The following HYCC1 variants were observed in gnomAD, a reference collection of about 807,000 sequenced individuals.
HYCC1 encodes the protein hyccin.
the HYCC1 span, among the ~76,000 whole-genome samples, chr7:22,898,936 C>A: frequency 6.6e-6 from 1 of 152,162 alleles, no homozygotes; most frequent in Non-Finnish European, 1.5e-5. Context: ...CAAGCACTCC[C>A]TTGTGTGTCC....
chr7:22,900,714 G>A, the HYCC1 span, among the ~76,000 whole-genome samples: 1 of 152,126 alleles, frequency 6.6e-6, no homozygotes. Flanking sequence ...AACAAAAAAT[G>A]AAGGGTACAG....
At chr7:22,928,315 A>G in the HYCC1 span, among the ~76,000 whole-genome samples, 3 of 152,322 alleles carry the variant, frequency 2.0e-5, no homozygotes, top group East Asian at 5.8e-4. Context: ...TATTCAACAT[A>G]GTGTTGGAAG....
the HYCC1 span, among the ~76,000 whole-genome samples, chr7:22,989,340 TTTTTG>T: frequency 2.0e-5 from 3 of 151,528 alleles, no homozygotes; most frequent in South Asian, 4.2e-4. Flanking sequence ...TAATCAAAGT[TTTTTG>T]TTTTGTTTTG....
the HYCC1 span, among the ~76,000 whole-genome samples, chr7:22,925,511 C>T: frequency 1.5e-4 from 23 of 152,206 alleles, no homozygotes; most frequent in South Asian, 2.5e-3. Flanking sequence ...CTGAAAACCA[C>T]GGCACGAGAA....
At chr7:22,938,999 A>C in the HYCC1 span, 1 of 152,198 alleles carries the variant, frequency 6.6e-6, no homozygotes, top group African/African-American at 2.4e-5. Context: ...ACACACACTC[A>C]TATTTAACTA....
chr7:22,996,408 T>C, the HYCC1 span, among the ~76,000 whole-genome samples: 1 of 151,946 alleles, frequency 6.6e-6, no homozygotes, highest in East Asian at 1.9e-4. Context: ...GATAATTTTT[T>C]TATTTCAACT....
At chr7:23,013,063 C>A in the HYCC1 span, among the ~76,000 whole-genome samples, 1 of 152,170 alleles carries the variant, frequency 6.6e-6, no homozygotes, top group South Asian at 2.1e-4. Context: ...TACTAAACCA[C>A]TTAGGCAAAA....
chr7:22,933,440 CT>C, the HYCC1 span, among the ~76,000 whole-genome samples: 1 of 151,844 alleles, frequency 6.6e-6, no homozygotes, highest in Admixed American at 6.6e-5. Flanking sequence ...TAACAATTTT[CT>C]TTGTTTTGAT....
the HYCC1 span, among the ~76,000 whole-genome samples, chr7:23,005,984 C>T: frequency 6.6e-6 from 1 of 152,174 alleles, no homozygotes; most frequent in Non-Finnish European, 1.5e-5. Context: ...AATGTGTACA[C>T]TGCTGCGGGG....
chr7:22,975,313 C>A, the HYCC1 span, among the ~76,000 whole-genome samples: 1 of 152,090 alleles, frequency 6.6e-6, no homozygotes, highest in Non-Finnish European at 1.5e-5. Context: ...CACAATTCCA[C>A]CAACTAGAGA....
At chr7:22,923,622 A>G in the HYCC1 span, among the ~76,000 whole-genome samples, 1 of 152,172 alleles carries the variant, frequency 6.6e-6, no homozygotes, top group Non-Finnish European at 1.5e-5. Flanking sequence ...TATCTTTCAA[A>G]AAAATCAGTA....
the HYCC1 span, chr7:22,945,527 C>T: frequency 7.8e-7 from 1 of 1,288,994 alleles, no homozygotes; most frequent in Non-Finnish European, 1.1e-6. Context: ...AGGGTACTTT[C>T]ATAAAGAAGC....
the HYCC1 span, among the ~76,000 whole-genome samples, chr7:22,907,834 C>T: frequency 6.6e-6 from 1 of 152,184 alleles, no homozygotes. Context: ...ATCGCTTGAA[C>T]CCGGGAGGCG....
At chr7:22,941,446 A>G in the HYCC1 span, 2 of 152,172 alleles carry the variant, frequency 1.3e-5, no homozygotes, top group Non-Finnish European at 2.9e-5. Flanking sequence ...TTAGGAATGT[A>G]AACTCTAGGA....
At chr7:22,968,973 G>A in the HYCC1 span, among the ~76,000 whole-genome samples, 5 of 151,852 alleles carry the variant, frequency 3.3e-5, no homozygotes, top group African/African-American at 7.2e-5. Context: ...GAGACAGAGC[G>A]AGACTCCATC....
At chr7:22,916,834 T>C in the HYCC1 span, among the ~76,000 whole-genome samples, 1 of 152,206 alleles carries the variant, frequency 6.6e-6, no homozygotes, top group Non-Finnish European at 1.5e-5. Flanking sequence ...GCTGAACTCA[T>C]TGCCTTAACT....
At chr7:22,944,530 C>T in the HYCC1 span, 2 of 152,246 alleles carry the variant, frequency 1.3e-5, no homozygotes, top group South Asian at 4.1e-4. Context: ...AATTTAAGAA[C>T]ACAAACATAA....
the HYCC1 span, among the ~76,000 whole-genome samples, chr7:22,956,253 A>T: frequency 2.0e-5 from 3 of 151,858 alleles, no homozygotes; most frequent in African/African-American, 4.8e-5. Context: ...TATAGACTAA[A>T]TTAAACACAA....
the HYCC1 span, chr7:22,937,151 A>G: frequency 6.6e-6 from 1 of 152,216 alleles, no homozygotes; most frequent in Admixed American, 6.5e-5. Context: ...GTTTGTAGAA[A>G]ATTACACAGC....
Sources: allele counts gnomAD v4.1 joint callset (sites outside exome capture counted in the v4.1 genomes callset), GRCh38; gene constraint gnomAD v4.1.1; transcripts MANE v1.5; gene names NCBI Gene and HGNC (gene_info 2026-07-23, HGNC 2026-07-21).